EPC2: variants seen among roughly 807,000 people sequenced by gnomAD.
The protein encoded by EPC2 is enhancer of polycomb homolog 2.
A neutral mutation model predicts 92.1 loss-of-function variants in EPC2; 14 were observed. The ratio of observed to expected loss-of-function variants is 0.15; its 90% confidence interval spans 0.10 to 0.24. EPC2 has a LOEUF of 0.24. Ranked by LOEUF, EPC2 falls within the 10% of genes least tolerant of loss-of-function variation. The pLI is 1.00. For missense variants in EPC2, 755 were observed against 971.5 expected, an observed-to-expected ratio of 0.78 and a Z score of 2.96; for synonymous variants, 340 against 334.7, an observed-to-expected ratio of 1.02 and a Z score of -0.17.
At chr2:148,770,771 T>C (rs1254622804) in intron 8 of EPC2, 21 bp from the exon 9 acceptor site, 1 of 1,588,902 alleles carries the variant, frequency 6.3e-7, no homozygotes, top group Non-Finnish European at 8.5e-7. Flanking sequence ...TTTTTGTTTT[T>C]TGTTTTTTCT....
intron 2 of EPC2, among the ~76,000 whole-genome samples, chr2:148,721,303 G>A (rs149794148): frequency 9.9e-5 from 15 of 151,310 alleles, no homozygotes; most frequent in South Asian, 2.1e-4. Flanking sequence ...ACAGAGTGCA[G>A]AATTTTAGGT....
intron 2 of EPC2, among the ~76,000 whole-genome samples, chr2:148,698,795 A>G (rs913544557): frequency 3.4e-5 from 5 of 145,062 alleles, no homozygotes; most frequent in Admixed American, 2.2e-4. Flanking sequence ...TCTCTCCAAG[A>G]TAATTAACCC....
intron 12 of EPC2, among the ~76,000 whole-genome samples, chr2:148,784,412 A>G (rs1683819711): frequency 6.6e-6 from 1 of 152,216 alleles, no homozygotes; most frequent in Non-Finnish European, 1.5e-5. Flanking sequence ...TTAACTCCAC[A>G]GTTGCCAGAT....
intron 1 of EPC2, among the ~76,000 whole-genome samples, chr2:148,657,449 T>C (rs1680826771): frequency 6.6e-6 from 1 of 152,122 alleles, no homozygotes; most frequent in Non-Finnish European, 1.5e-5. Flanking sequence ...CAGAATCACC[T>C]AGAGGGCCTG....
intron 2 of EPC2, among the ~76,000 whole-genome samples, chr2:148,717,302 T>A (rs1403033209): frequency 6.6e-6 from 1 of 151,914 alleles, no homozygotes; most frequent in Non-Finnish European, 1.5e-5. Flanking sequence ...CTGTTTGCCC[T>A]TGGTCCTCTA....
rs183793001 is a variant in EPC2 at position 148,714,752 on chromosome 2, A to G, written c.313+24379A>G. Among the ~76,000 whole-genome samples the G allele has an allele frequency of 3.4e-3, 507 of 149,050 alleles. 4 individuals are homozygous for G. Among genetic ancestry groups the G allele is most frequent in the Non-Finnish European group, 6.3e-3 (412 of 65,884 alleles). ...TCATGTCCTTTGACCACTTTTAATC[A>G]GGTTGTTTTTTTCTTGTAAATTTGT... On this transcript the variant is annotated intron_variant, in intron 2 of 13. Transcript: ENST00000258484.
intron 10 of EPC2, among the ~76,000 whole-genome samples, chr2:148,779,816 C>T (rs541981270): frequency 3.9e-5 from 6 of 152,330 alleles, no homozygotes; most frequent in African/African-American, 7.2e-5. Flanking sequence ...TCTGGACACA[C>T]TTGACACTGG....
chr2:148,776,530 G>C (rs1412619563), intron 10 of EPC2, among the ~76,000 whole-genome samples: 1 of 152,168 alleles, frequency 6.6e-6, no homozygotes, highest in Non-Finnish European at 1.5e-5. Context: ...GAAAGGTCAT[G>C]TCAACCCTCC....
intron 10 of EPC2, among the ~76,000 whole-genome samples, chr2:148,775,775 CTTT>C (rs70995334): frequency 1.1e-5 from 1 of 92,290 alleles, no homozygotes; most frequent in African/African-American, 4.6e-5. Context: ...AATTTCTTTT[CTTT>C]TTTTTTTTTT....
intron 4 of EPC2, among the ~76,000 whole-genome samples, chr2:148,761,386 G>T (rs1214245829): frequency 6.6e-6 from 1 of 152,108 alleles, no homozygotes; most frequent in Non-Finnish European, 1.5e-5. Context: ...AATGGATGAG[G>T]GGACTCATTT....
At chr2:148,715,702 T>G (rs1682246273) in intron 2 of EPC2, among the ~76,000 whole-genome samples, 1 of 152,088 alleles carries the variant, frequency 6.6e-6, no homozygotes, top group South Asian at 2.1e-4. Flanking sequence ...TCTTGGCTAC[T>G]CGGGCTCTTT....
rs996934069 is a variant in EPC2 at position 148,762,311 on chromosome 2, C to A, written c.816-359C>A. The A allele has an allele frequency of 4.4e-5, 8 of 182,670 alleles. No individual in the cohort carries two copies. In the East Asian group the frequency reaches 1.2e-3, roughly 28 times the overall value. 11.3% of individuals were successfully genotyped at this position (182,670 alleles called of 1,614,324 possible). On this transcript the variant is annotated intron_variant, in intron 5 of 13. Coordinates refer to ENST00000258484, the MANE Select transcript of EPC2 (RefSeq NM_015630.4). The stretch of plus-strand genomic sequence containing the variant: ...TAGGTAGACATTTTTCGTTTCAACT[C>A]CTTTTAGAAATGTGTGCTCTAATAT...
intron 10 of EPC2, among the ~76,000 whole-genome samples, chr2:148,772,335 A>G (rs1683539195): frequency 6.6e-6 from 1 of 152,152 alleles, no homozygotes; most frequent in Non-Finnish European, 1.5e-5. Flanking sequence ...GTATATATGC[A>G]TTGTATCCCA....
intron 2 of EPC2, among the ~76,000 whole-genome samples, chr2:148,739,827 CTTCTTCTTTTTT>C (rs1351436786): frequency 1.2e-5 from 1 of 85,398 alleles, no homozygotes; most frequent in East Asian, 5.9e-4. Flanking sequence ...TTCTTTTCTT[CTTCTTCTTTTTT>C]TTTTTTTTTT....
intron 2 of EPC2, among the ~76,000 whole-genome samples, chr2:148,730,295 G>A (rs1039511499): frequency 3.9e-5 from 6 of 152,144 alleles, no homozygotes; most frequent in African/African-American, 1.4e-4. Context: ...AGGAGATTAT[G>A]GTGCTTGGGT....
rs760552472 is a variant in EPC2 at position 148,769,251 on chromosome 2, TTG to T, written c.1230+22_1230+23del. Reference sequence around the variant, plus strand: ...TGCCAGTATTATGCTGTAAGAACTTTTGTGTGTGTGTGGTGTTTTTGTGAACT... The same window carrying T: ...TGCCAGTATTATGCTGTAAGAACTTTTGTGTGTGTGGTGTTTTTGTGAACT... On this transcript the variant is annotated intron_variant, in intron 8 of 13. Transcript: ENST00000258484. 3.7e-5 allele frequency: 59 copies of T among 1,590,394 alleles called. No individual in the cohort carries two copies. Among genetic ancestry groups the T allele is most frequent in the Admixed American group, 1.0e-4 (6 of 58,214 alleles).
At chr2:148,667,341 T>C (rs961727200) in intron 1 of EPC2, among the ~76,000 whole-genome samples, 4 of 152,230 alleles carry the variant, frequency 2.6e-5, no homozygotes, top group African/African-American at 4.8e-5. Context: ...TAGCACACTG[T>C]TATGTTTCAA....
intron 1 of EPC2, among the ~76,000 whole-genome samples, chr2:148,688,629 G>C (rs1252926367): frequency 6.6e-6 from 1 of 152,068 alleles, no homozygotes; most frequent in East Asian, 1.9e-4. Context: ...TTGTGTTTCT[G>C]TTTTGTTACT....
chr2:148,733,400 A>T (rs985404823), intron 2 of EPC2, among the ~76,000 whole-genome samples: 2 of 144,020 alleles, frequency 1.4e-5, no homozygotes, highest in Admixed American at 1.4e-4. Context: ...GGAGGCCACT[A>T]TTGATCTCTA....
Sources: allele counts gnomAD v4.1 joint callset (sites outside exome capture counted in the v4.1 genomes callset), GRCh38; gene constraint gnomAD v4.1.1; transcripts MANE v1.5; gene names NCBI Gene and HGNC (gene_info 2026-07-23, HGNC 2026-07-21).